Variants in CNTROB observed in about 807,000 individuals in gnomAD.
The protein encoded by CNTROB is centrobin.
CNTROB carries 82 observed loss-of-function variants against 115.7 expected under a neutral mutation model. That is an observed-to-expected ratio of 0.71 (90% confidence interval 0.59 to 0.85). The LOEUF (loss-of-function observed/expected upper bound fraction) is 0.85, where lower values mean the gene tolerates loss of function less well. CNTROB is among the 40% of genes least tolerant of loss of function. CNTROB has a pLI of 0.00. For synonymous variants in CNTROB, 439 were observed against 456.4 expected (o/e 0.96, Z 0.49); for missense variants, 1,014 against 1,144.4 (o/e 0.89, Z 1.64).
chr17:7,935,001 G>A lies in CNTROB; in HGVS notation c.450G>A (p.Leu150=), dbSNP rs1972973942. 6.2e-7 allele frequency: 1 copy of A among 1,600,902 alleles called. No homozygotes were observed. The highest frequency in any genetic ancestry group is 2.2e-5 in the East Asian group (1 of 44,676). Residue 150 remains leucine (L), a synonymous_variant, in exon 4 of 19, where the codon CTG becomes CTA. Transcript: ENST00000563694. ...CTGATTTGCTCAGCACCCGGCCCCT[G>A]CAAGACTTGTCTCCATCTAGCTCAG... The part of the protein sequence containing the change: ...STATLLNTRP[L]QDLSPSSSAQ...
Position 7,949,350 on chromosome 17 carries a change from G to A in CNTROB, c.2587-35G>A, listed in dbSNP as rs139942237. 3.4e-3 allele frequency: 5,417 copies of A among 1,612,008 alleles called. 49 individuals are homozygous for A. The highest frequency in any genetic ancestry group is 0.031 in the Admixed American group (1,833 of 59,866). On this transcript the variant is annotated intron_variant, in intron 18 of 18. Transcript: ENST00000563694. The stretch of plus-strand genomic sequence containing the variant: ...GGGTGGGGAATTGAGAGGATCTGAC[G>A]CTGATTTCTTCCTCTCTCTTCCCTC...
intron 13 of CNTROB, 52 bp downstream of exon 13, chr17:7,946,038 C>G: frequency 2.0e-6 from 3 of 1,528,210 alleles, no homozygotes; most frequent in Non-Finnish European, 2.7e-6. Flanking sequence ...TGAATTGGCT[C>G]CCTCTTTCGT....
At position 7,937,250 on chromosome 17, in the gene CNTROB, AAG is replaced by A. The variant is rs748964217; in HGVS notation, c.921_922del (p.Glu307AspfsTer37). ...AAAGTGCCAGACTGCAGCAACGGGAAAGAGAGACACTGGTGAGAAGATTGGAC... is the reference window on the plus strand; with the variant it reads ...AAAGTGCCAGACTGCAGCAACGGGAAAGAGACACTGGTGAGAAGATTGGAC... The part of the protein sequence containing the change: ...QESARLQQRE[R>X]ETLEEERQAL... On this transcript the variant is annotated frameshift_variant, in exon 7 of 19. Transcript: ENST00000563694. LOFTEE classifies it high-confidence loss of function. 5 of 1,614,052 alleles carry A rather than the reference AAG, an allele frequency of 3.1e-6. 1 individual carries two copies. In the South Asian group the frequency reaches 3.3e-5, roughly 11 times the overall value.
chr17:7,939,429 A>T lies in CNTROB; in HGVS notation c.928-84A>T. On this transcript the variant is annotated intron_variant, in intron 7 of 18. Coordinates refer to ENST00000563694, the MANE Select transcript of CNTROB (RefSeq NM_053051.5). This position sits in a 1 kb window ranked among gnomAD's most constrained non-coding sequence, Gnocchi z 4.4. ...GTTTTTAATGAGCATAATTCTCAGCAGGCACCTTGTATGAGGGTCAGAGGG... is the reference window on the plus strand; with the variant it reads ...GTTTTTAATGAGCATAATTCTCAGCTGGCACCTTGTATGAGGGTCAGAGGG... The T allele has an allele frequency of 9.0e-7, 1 of 1,113,884 alleles. No homozygotes were observed. Among genetic ancestry groups the T allele is most frequent in the Non-Finnish European group, 1.3e-6 (1 of 745,516 alleles). The allele number at this position is 1,113,884 out of a possible 1,614,324, so 69.0% of individuals were successfully genotyped here.
intron 6 of CNTROB, 49 bp downstream of exon 6, chr17:7,936,866 A>G (rs1973245683): frequency 1.2e-6 from 1 of 853,922 alleles, no homozygotes; most frequent in African/African-American, 1.7e-5. Flanking sequence ...ACAGATCTCA[A>G]GATGGAAAGG....
chr17:7,938,749 C>T (rs1048264083), intron 7 of CNTROB, among the ~76,000 whole-genome samples: 2 of 152,160 alleles, frequency 1.3e-5, no homozygotes, highest in Non-Finnish European at 2.9e-5. Flanking sequence ...CTCTTATCTA[C>T]TATATTATAA....
Position 7,945,918 on chromosome 17 carries a change from GC to G in CNTROB, c.1929del (p.Ser644LeufsTer54). The G allele has an allele frequency of 6.2e-7, 1 of 1,614,040 alleles. No homozygotes were observed. The highest frequency in any genetic ancestry group is 8.5e-7 in the Non-Finnish European group (1 of 1,179,934). On this transcript the variant is annotated frameshift_variant, in exon 13 of 19. Coordinates refer to ENST00000563694, the MANE Select transcript of CNTROB (RefSeq NM_053051.5). LOFTEE classifies it high-confidence loss of function. ...SSSSDLSLLL[G>X]PSFQSQHSFQ... ...TCCTCAGATCTTAGCCTCCTGTTGG[GC>G]CCCTCTTTTCAGAGCCAGCATTCTT... is the stretch of plus-strand genomic sequence containing the variant.
Position 7,948,204 on chromosome 17 carries a change from A to G in CNTROB, c.2257A>G (p.Ile753Val), listed in dbSNP as rs767891690. 1 of 1,614,016 alleles carries G rather than the reference A, an allele frequency of 6.2e-7. No homozygotes were observed. The highest frequency in any genetic ancestry group is 1.3e-5 in the African/African-American group (1 of 74,896). Residue 753 changes from isoleucine (I) to valine (V), a missense_variant, in exon 16 of 19, where the codon ATT (isoleucine) becomes GTT (valine). Ile to Val is a conservative substitution (Grantham distance 29, BLOSUM62 3). Transcript: ENST00000563694. The surrounding 1 kb of genome is among the most constrained non-coding windows in gnomAD (Gnocchi z 4.4). ...SWEEAPQVPR[I>V]PPPVHKTKVP... ...GGAGGAAGCCCCTCAAGTGCCACGT[A>G]TTCCACCGCCTGTCCACAAAACCAA...
chr17:7,945,410 T>G, intron 12 of CNTROB: 1 of 184,066 alleles, frequency 5.4e-6, no homozygotes. Context: ...TTATCATTTA[T>G]TTATTTGAGA....
At chr17:7,934,873 G>T in intron 3 of CNTROB, 116 bp from the exon 4 acceptor site, 3 of 1,180,886 alleles carry the variant, frequency 2.5e-6, no homozygotes, top group Non-Finnish European at 3.5e-6. Context: ...TTACGACTTT[G>T]GACAAGTCTC....
chr17:7,947,533 A>G, intron 13 of CNTROB, 38 bp from the exon 14 acceptor site: 1 of 1,540,350 alleles, frequency 6.5e-7, no homozygotes, highest in Non-Finnish European at 8.8e-7. Context: ...TCCCCCCTGA[A>G]CACACTTGCA....
Position 7,934,554 on chromosome 17 carries a change from C to A in CNTROB, c.437+8C>A. The A allele has an allele frequency of 6.2e-7, 1 of 1,608,086 alleles. No homozygotes were observed. The highest frequency in any genetic ancestry group is 8.5e-7 in the Non-Finnish European group (1 of 1,174,554). ...CACAGCCACCTTGCTCAAGTGAGTTCTCCTTGTGGTTCTCCTAGCTTGTTT... is the reference window on the plus strand; with the variant it reads ...CACAGCCACCTTGCTCAAGTGAGTTATCCTTGTGGTTCTCCTAGCTTGTTT... On this transcript the variant is annotated splice_region_variant and intron_variant, in intron 3 of 18. Coordinates refer to ENST00000563694, the MANE Select transcript of CNTROB (RefSeq NM_053051.5).
At chr17:7,947,120 C>A (rs1248629843) in intron 13 of CNTROB, among the ~76,000 whole-genome samples, 3 of 149,930 alleles carry the variant, frequency 2.0e-5, no homozygotes, top group Admixed American at 2.0e-4. Context: ...GAGATCGCGC[C>A]GCTGCACTTC....
At position 7,944,423 on chromosome 17, in the gene CNTROB, C is replaced by T; in HGVS notation, c.1572-53C>T. The T allele has an allele frequency of 6.3e-7, 1 of 1,599,454 alleles. No homozygotes were observed. The highest frequency in any genetic ancestry group is 8.5e-7 in the Non-Finnish European group (1 of 1,170,114). On this transcript the variant is annotated intron_variant, in intron 11 of 18. Transcript: ENST00000563694. This position sits in a 1 kb window ranked among gnomAD's most constrained non-coding sequence, Gnocchi z 4.0. Reference sequence around the variant, plus strand: ...TTCCCTTCTGGCTCTTTTTAGCTCCCAAGTATCTGCTTCCTTAAAGGCCCT... The same window carrying T: ...TTCCCTTCTGGCTCTTTTTAGCTCCTAAGTATCTGCTTCCTTAAAGGCCCT...
chr17:7,949,209 GC>G lies in CNTROB; in HGVS notation c.2586+53del. On this transcript the variant is annotated intron_variant, in intron 18 of 18. Transcript: ENST00000563694. Reference sequence around the variant, plus strand: ...GGGAGAAAAGGGCTCTCACTGACCAGCTCCTTCACCTCTGCACACTCCTGGC... The same window carrying G: ...GGGAGAAAAGGGCTCTCACTGACCAGTCCTTCACCTCTGCACACTCCTGGC... 2.5e-6 allele frequency: 4 copies of G among 1,584,480 alleles called. No individual in the cohort carries two copies. The African/African-American group carries it at 4.0e-5, about 16-fold the overall frequency.
intron 18 of CNTROB, 94 bp from the exon 19 acceptor site, chr17:7,949,291 T>A (rs1039453816): frequency 6.3e-7 from 1 of 1,588,636 alleles, no homozygotes; most frequent in African/African-American, 1.3e-5. Flanking sequence ...CCCTGCAGAC[T>A]CATCTGGCCC....
At position 7,937,358 on chromosome 17, in the gene CNTROB, G is replaced by A; in HGVS notation, c.927+96G>A. ...TGGATTGTGGGAGATTATAATTTGA[G>A]TTGCACCAGAGCACTGTTTCCCAAA... On this transcript the variant is annotated intron_variant, in intron 7 of 18. Coordinates refer to ENST00000563694, the MANE Select transcript of CNTROB (RefSeq NM_053051.5). The A allele has an allele frequency of 2.1e-6, 3 of 1,460,428 alleles. No homozygotes were observed. The Admixed American group carries it at 5.2e-5, about 25-fold the overall frequency. 90.5% of individuals were successfully genotyped at this position (1,460,428 alleles called of 1,614,324 possible).
rs1029134655 is a variant in CNTROB, at chr17:7,940,216, C to A, written c.1285C>A (p.Leu429Met). 1 of 1,609,964 alleles carries A rather than the reference C, an allele frequency of 6.2e-7. No individual in the cohort carries two copies. The highest frequency in any genetic ancestry group is 1.1e-5 in the South Asian group (1 of 90,730). The stretch of plus-strand genomic sequence containing the variant: ...TACAGCTCGGAGAGAGAGAGATGCC[C>A]TGCAGCTGGAAATGAGCTTGGTGCA... ...LDTARRERDA[L>M]QLEMSLVQAR... The change falls in exon 9 of 19, where the codon CTG (leucine) becomes ATG (methionine). Residue 429 changes from leucine (L) to methionine (M), a missense_variant. By Grantham distance (15) the Leu-to-Met change is conservative (BLOSUM62 2). Transcript: ENST00000563694.
intron 2 of CNTROB, 40 bp downstream of exon 2, chr17:7,934,262 A>G: frequency 6.4e-7 from 1 of 1,569,884 alleles, no homozygotes; most frequent in Non-Finnish European, 8.8e-7. Flanking sequence ...AGGAGAACCT[A>G]GATGTAAGGG....
Sources: gnomAD v4.1 joint callset for allele counts (sites outside exome capture counted in the v4.1 genomes callset) on GRCh38, gnomAD v4.1.1 for gene constraint, Gnocchi (gnomAD v3.1) non-coding constraint, MANE v1.5 for transcripts, NCBI Gene and HGNC (gene_info 2026-07-23, HGNC 2026-07-21) for gene names.